The following CDH12 variants were observed in gnomAD, a reference collection of about 807,000 sequenced individuals.
The protein encoded by CDH12 is cadherin-12.
A neutral mutation model predicts 74.1 loss-of-function variants in CDH12; 41 were observed. The ratio of observed to expected loss-of-function variants is 0.55; its 90% CI spans 0.43 to 0.72. The LOEUF is 0.72. CDH12 is among the 30% of genes least tolerant of loss of function. The pLI, the probability that CDH12 is intolerant of heterozygous loss-of-function variation, is 0.00. For missense variants in CDH12, 945 were observed against 977.2 expected, an observed-to-expected ratio of 0.97 and a Z score of 0.44; for synonymous variants, 399 against 355.0, an observed-to-expected ratio of 1.12 and a Z score of -1.39.
intron 3 of CDH12, among the ~76,000 whole-genome samples, chr5:22,340,582 G>T (rs1739806763): frequency 6.6e-6 from 1 of 151,186 alleles, no homozygotes; most frequent in Admixed American, 6.6e-5. Flanking sequence ...ACTAGAAAAT[G>T]TTCTTAAATA....
chr5:22,358,080 A>G (rs1340653394), intron 3 of CDH12, among the ~76,000 whole-genome samples: 1 of 152,096 alleles, frequency 6.6e-6, no homozygotes, highest in Admixed American at 6.6e-5. Flanking sequence ...CTGGTGATAC[A>G]TCTACTGCTT....
chr5:22,141,571 T>C (rs937347198), intron 4 of CDH12: 1 of 152,166 alleles, frequency 6.6e-6, no homozygotes, highest in Non-Finnish European at 1.5e-5. Context: ...GGATTTTATA[T>C]TACCGAATCT....
intron 3 of CDH12, among the ~76,000 whole-genome samples, chr5:22,387,544 C>T (rs774447884): frequency 6.1e-4 from 93 of 152,182 alleles, no homozygotes; most frequent in Non-Finnish European, 1.0e-3. Context: ...AGCACAAAAG[C>T]CTATTGGCTG....
At chr5:22,435,837 C>T (rs1744363653) in intron 2 of CDH12, among the ~76,000 whole-genome samples, 1 of 151,874 alleles carries the variant, frequency 6.6e-6, no homozygotes, top group Non-Finnish European at 1.5e-5. Context: ...GATCTTGTGG[C>T]CCCTACCCAG....
intron 2 of CDH12, among the ~76,000 whole-genome samples, chr5:22,408,099 G>A (rs1743014107): frequency 6.6e-6 from 1 of 151,868 alleles, no homozygotes; most frequent in South Asian, 2.1e-4. Flanking sequence ...ATTAATCACT[G>A]GCATCAACAG....
intron 1 of CDH12, among the ~76,000 whole-genome samples, chr5:22,541,340 T>C (rs1163836038): frequency 6.6e-6 from 1 of 152,212 alleles, no homozygotes; most frequent in Non-Finnish European, 1.5e-5. Context: ...AAGTGTGAGA[T>C]GAAGTGCTCA....
chr5:22,083,719 G>A (rs2150230675), intron 4 of CDH12, among the ~76,000 whole-genome samples: 1 of 152,182 alleles, frequency 6.6e-6, no homozygotes, highest in East Asian at 1.9e-4. Context: ...TACATAGCAG[G>A]CAGGCTTGAA....
At chr5:22,479,360 A>G (rs1263424160) in intron 2 of CDH12, among the ~76,000 whole-genome samples, 12 of 152,208 alleles carry the variant, frequency 7.9e-5, no homozygotes, top group Non-Finnish European at 1.5e-5. Context: ...GCACAACACT[A>G]ATTACTTTGA....
At chr5:22,676,738 A>G (rs1389161177) in intron 1 of CDH12, among the ~76,000 whole-genome samples, 1 of 152,206 alleles carries the variant, frequency 6.6e-6, no homozygotes. Flanking sequence ...TAAGTTCTAC[A>G]ATGGATAAGT....
chr5:22,501,627 AT>A (rs1464754712), intron 2 of CDH12, among the ~76,000 whole-genome samples: 1 of 152,116 alleles, frequency 6.6e-6, no homozygotes, highest in East Asian at 1.9e-4. Context: ...AAAATTAGAA[AT>A]ATCCCTGCAT....
At position 22,840,988 on chromosome 5, in the gene CDH12, C is replaced by T. The variant is rs189172262; in HGVS notation, c.-523+12070G>A. 2.1e-3 allele frequency among the ~76,000 whole-genome samples: 317 copies of T among 152,154 alleles called. 3 individuals carry two copies. Among genetic ancestry groups the T allele is most frequent in the African/African-American group, 6.8e-3 (283 of 41,520 alleles). ...AACAAGGGGAAGGATGCAGGGAAAA[C>T]GGATCAGAAATAAAATGAGGCGGCA... On this transcript the variant is annotated intron_variant, in intron 1 of 14. Coordinates refer to ENST00000382254, the MANE Select transcript of CDH12 (RefSeq NM_004061.5).
At chr5:22,075,031 T>C (rs963717532) in intron 5 of CDH12, among the ~76,000 whole-genome samples, 5 of 152,030 alleles carry the variant, frequency 3.3e-5, no homozygotes, top group African/African-American at 1.2e-4. Context: ...TGTGGCACTA[T>C]TCACAATAGC....
chr5:22,421,474 G>T (rs1743650381), intron 2 of CDH12, among the ~76,000 whole-genome samples: 1 of 152,148 alleles, frequency 6.6e-6, no homozygotes, highest in Non-Finnish European at 1.5e-5. Flanking sequence ...CGCTGAGAAT[G>T]ATAGTTTCCA....
intron 4 of CDH12, among the ~76,000 whole-genome samples, chr5:22,153,558 T>C (rs963249560): frequency 8.6e-5 from 13 of 151,254 alleles, no homozygotes. Flanking sequence ...TAGTAACCAT[T>C]TTCACCCAGA....
In CDH12 at chr5:22,008,253, G is replaced by A. The variant is rs189355097; in HGVS notation, c.232-32868C>T. Among the ~76,000 whole-genome samples the A allele has an allele frequency of 1.1e-3, 167 of 150,464 alleles. 4 individuals carry two copies. Among genetic ancestry groups the A allele is most frequent in the African/African-American group, 3.7e-3 (151 of 40,934 alleles). On this transcript the variant is annotated intron_variant, in intron 5 of 14. Coordinates refer to ENST00000382254, the MANE Select transcript of CDH12 (RefSeq NM_004061.5). Reference sequence around the variant, plus strand: ...ATACAATTTTTTTTTTTTTTTAAATGGAGTCTCGCTCTGTCACCCAGGCTG... The same window carrying A: ...ATACAATTTTTTTTTTTTTTTAAATAGAGTCTCGCTCTGTCACCCAGGCTG...
At chr5:22,191,142 T>C (rs1442935106) in intron 4 of CDH12, among the ~76,000 whole-genome samples, 1 of 152,074 alleles carries the variant, frequency 6.6e-6, no homozygotes, top group Non-Finnish European at 1.5e-5. Flanking sequence ...TCCCAAGTGT[T>C]ACTACATGGA....
chr5:22,482,170 C>T (rs1261717975), intron 2 of CDH12, among the ~76,000 whole-genome samples: 1 of 151,994 alleles, frequency 6.6e-6, no homozygotes, highest in African/African-American at 2.4e-5. Flanking sequence ...AACTAAGAGT[C>T]CTAATTTTAT....
chr5:21,939,238 C>CA (rs200133363), intron 6 of CDH12, among the ~76,000 whole-genome samples: 43,679 of 150,222 alleles, frequency 0.29, 10,126 homozygotes, highest in African/African-American at 0.65. Flanking sequence ...ATAAAATTAT[C>CA]AAAAAAAGAC....
chr5:21,874,783 C>T (rs1026164062), intron 6 of CDH12, among the ~76,000 whole-genome samples: 4 of 152,278 alleles, frequency 2.6e-5, no homozygotes, highest in African/African-American at 9.6e-5. Flanking sequence ...TCCAGCCAGG[C>T]GGTGCCCATT....
Sources: allele counts gnomAD v4.1 joint callset (sites outside exome capture counted in the v4.1 genomes callset), GRCh38; gene constraint gnomAD v4.1.1; transcripts MANE v1.5; gene names NCBI Gene and HGNC (gene_info 2026-07-23, HGNC 2026-07-21).